The following CPQ variants were observed in gnomAD, a reference collection of about 807,000 sequenced individuals.
CPQ encodes the protein carboxypeptidase Q.
CPQ carries 37 observed loss-of-function variants against 45.7 expected under a neutral mutation model. The observed-to-expected ratio is 0.81, with a 90% CI of 0.62 to 1.07. CPQ has a LOEUF of 1.07. CPQ is among the 50% of genes least tolerant of loss of function. The pLI, the probability that CPQ is intolerant of heterozygous loss-of-function variation, is 0.00. For missense variants in CPQ, 537 were observed against 572.9 expected (o/e 0.94, Z 0.64); for synonymous variants, 186 against 205.8 (o/e 0.90, Z 0.82).
chr8:96,702,090 G>A (rs969566376), intron 1 of CPQ, among the ~76,000 whole-genome samples: 11 of 152,178 alleles, frequency 7.2e-5, no homozygotes, highest in Non-Finnish European at 1.5e-4. Context: ...GTGCTTTGTT[G>A]TCATGGAAAG....
rs537785006 is a variant in CPQ at position 96,883,702 on chromosome 8, A to G, written c.849+3697A>G. ...GTGTTAAGTTGACTAATGAGCCTGA[A>G]AAAGAATGGCCTTATCCCCAATAAA... is the stretch of plus-strand genomic sequence containing the variant. On this transcript the variant is annotated intron_variant, in intron 4 of 7. Transcript: ENST00000220763. Among the ~76,000 whole-genome samples, 207 of 152,286 alleles carry G rather than the reference A, an allele frequency of 1.4e-3. 2 individuals are homozygous for G. Among genetic ancestry groups the G allele is most frequent in the Admixed American group, 0.01 (154 of 15,296 alleles).
At chr8:97,028,885 T>C (rs1809846289) in intron 5 of CPQ, among the ~76,000 whole-genome samples, 1 of 152,220 alleles carries the variant, frequency 6.6e-6, no homozygotes, top group Non-Finnish European at 1.5e-5. Flanking sequence ...TGGAGAAGCA[T>C]AACTGTTGCA....
In CPQ at chr8:96,980,813, G is replaced by T. The variant is rs111585407; in HGVS notation, c.961+14767G>T. 5.1e-3 allele frequency among the ~76,000 whole-genome samples: 783 copies of T among 152,290 alleles called. 7 individuals are homozygous for T. The highest frequency in any genetic ancestry group is 0.018 in the African/African-American group (737 of 41,564). On this transcript the variant is annotated intron_variant, in intron 5 of 7. Coordinates refer to ENST00000220763, the MANE Select transcript of CPQ (RefSeq NM_016134.4). ...CCATCCATGAGTATACATGAGGCTA[G>T]TGTATAAGGCTAATTCTCTCCTCAC...
chr8:96,823,885 T>C (rs928362377), intron 2 of CPQ, among the ~76,000 whole-genome samples: 15 of 152,018 alleles, frequency 9.9e-5, no homozygotes, highest in African/African-American at 3.6e-4. Flanking sequence ...GTCAGATAAA[T>C]CTGCTTGATA....
chr8:96,823,180 T>C (rs1026947678), intron 2 of CPQ, among the ~76,000 whole-genome samples: 1 of 151,878 alleles, frequency 6.6e-6, no homozygotes, highest in African/African-American at 2.4e-5. Flanking sequence ...TTTTTAAAAC[T>C]CTAGACAGTC....
intron 4 of CPQ, among the ~76,000 whole-genome samples, chr8:96,929,233 G>A (rs1364423068): frequency 6.6e-6 from 1 of 152,104 alleles, no homozygotes; most frequent in Non-Finnish European, 1.5e-5. Flanking sequence ...CAAAGGCAAA[G>A]GAATAGAATG....
chr8:96,784,820 T>G (rs1810739293), intron 1 of CPQ, 44 bp from the exon 2 acceptor site: 77 of 1,396,892 alleles, frequency 5.5e-5, no homozygotes, highest in Non-Finnish European at 6.6e-5. Flanking sequence ...CAGATAGCTG[T>G]GAGATTCTTT....
At chr8:97,057,480 C>T (rs1810475265) in intron 6 of CPQ, among the ~76,000 whole-genome samples, 2 of 152,160 alleles carry the variant, frequency 1.3e-5, no homozygotes, top group African/African-American at 4.8e-5. Context: ...TGCACTTTCT[C>T]TTCCTAGATA....
intron 5 of CPQ, among the ~76,000 whole-genome samples, chr8:96,982,829 C>G (rs1813929300): frequency 6.6e-6 from 1 of 152,184 alleles, no homozygotes; most frequent in African/African-American, 2.4e-5. Context: ...GATGAAGGGA[C>G]TAAGACTGAT....
At chr8:96,983,236 TTCTA>T (rs1258791187) in intron 5 of CPQ, among the ~76,000 whole-genome samples, 7 of 152,328 alleles carry the variant, frequency 4.6e-5, no homozygotes, top group South Asian at 2.1e-4. Flanking sequence ...TGTTTATTTC[TTCTA>T]TCTTTTTGAG....
chr8:96,887,632 T>G (rs1812321960), intron 4 of CPQ, among the ~76,000 whole-genome samples: 1 of 152,248 alleles, frequency 6.6e-6, no homozygotes, highest in Non-Finnish European at 1.5e-5. Context: ...ATGTTGACTC[T>G]TGGGGCTGGC....
intron 1 of CPQ, among the ~76,000 whole-genome samples, chr8:96,646,697 C>T (rs572710211): frequency 1.2e-4 from 18 of 152,312 alleles, no homozygotes; most frequent in Admixed American, 7.2e-4. Flanking sequence ...TTCTTAATCT[C>T]CAAAATGAAG....
Position 96,774,727 on chromosome 8 carries a change from G to A in CPQ, c.-34-10137G>A, listed in dbSNP as rs114517162. ...TGGAAAGGAAGATTCTGAGTTTGGT[G>A]TTGGATATTTAGAATTTCAAGTACT... On this transcript the variant is annotated intron_variant, in intron 1 of 7. Coordinates refer to ENST00000220763, the MANE Select transcript of CPQ (RefSeq NM_016134.4). Among the ~76,000 whole-genome samples the A allele has an allele frequency of 4.2e-3, 642 of 152,258 alleles. 5 individuals carry two copies. The highest frequency in any genetic ancestry group is 0.015 in the African/African-American group (629 of 41,546).
intron 3 of CPQ, among the ~76,000 whole-genome samples, chr8:96,845,114 T>C (rs577300947): frequency 1.3e-5 from 2 of 152,330 alleles, no homozygotes; most frequent in South Asian, 4.1e-4. Context: ...TCTTTACATT[T>C]TAACTGAAAG....
intron 1 of CPQ, among the ~76,000 whole-genome samples, chr8:96,736,328 G>T (rs1343824177): frequency 1.3e-5 from 2 of 152,174 alleles, no homozygotes; most frequent in African/African-American, 4.8e-5. Flanking sequence ...CTGTTTGAAT[G>T]TTATATAGTT....
chr8:96,653,081 C>T (rs963708219), intron 1 of CPQ, among the ~76,000 whole-genome samples: 1 of 152,142 alleles, frequency 6.6e-6, no homozygotes, highest in Non-Finnish European at 1.5e-5. Flanking sequence ...ACAGGTGTGC[C>T]ACTGGGCCTG....
At chr8:97,049,618 C>T (rs1004004653) in intron 6 of CPQ, among the ~76,000 whole-genome samples, 1 of 152,070 alleles carries the variant, frequency 6.6e-6, no homozygotes, top group African/African-American at 2.4e-5. Flanking sequence ...ATTCAGTTCT[C>T]CATTTCTTTG....
intron 1 of CPQ, among the ~76,000 whole-genome samples, chr8:96,718,774 C>T (rs1485640866): frequency 6.6e-6 from 1 of 152,126 alleles, no homozygotes; most frequent in Non-Finnish European, 1.5e-5. Flanking sequence ...CACAAAGGTT[C>T]TCCATGTCCC....
chr8:96,850,399 G>C (rs898507608), intron 3 of CPQ, among the ~76,000 whole-genome samples: 3 of 152,108 alleles, frequency 2.0e-5, no homozygotes, highest in Non-Finnish European at 2.9e-5. Flanking sequence ...GAAAGAAGCT[G>C]TGAAATAGAT....
Sources: gnomAD v4.1 joint callset for allele counts (sites outside exome capture counted in the v4.1 genomes callset) on GRCh38, gnomAD v4.1.1 for gene constraint, MANE v1.5 for transcripts, NCBI Gene and HGNC (gene_info 2026-07-23, HGNC 2026-07-21) for gene names.